PPIL6: variants seen among roughly 807,000 people sequenced by gnomAD.
The protein encoded by PPIL6 is peptidylprolyl isomerase like 6.
Under a neutral mutation model 36.8 loss-of-function variants are expected in PPIL6, and 39 were observed. The observed-to-expected ratio is 1.06, with a 90% confidence interval of 0.82 to 1.38. PPIL6 has a LOEUF of 1.38. PPIL6 is among the 40% of genes most tolerant of loss of function. The pLI, the probability that PPIL6 is intolerant of heterozygous loss-of-function variation, is 0.00. For synonymous variants in PPIL6, 123 were observed against 134.1 expected (o/e 0.92, Z 0.57); for missense variants, 368 against 379.1 (o/e 0.97, Z 0.24).
In PPIL6 at chr6:109,440,574, G is replaced by A. The variant is rs1377522594; in HGVS notation, c.17C>T (p.Pro6Leu). Residue 6 changes from proline to leucine, a missense_variant, in exon 1 of 8, where the codon CCG becomes CTG. Coordinates refer to ENST00000521072, the MANE Select transcript of PPIL6 (RefSeq NM_173672.5). The part of the protein sequence containing the change: MARPQ[P>L]CGPPHARCGS... ...GCACCTAGCGTGCGGGGGCCCGCAC[G>A]GCTGCGGCCTTGCCATGGCCGCGCC... is the stretch of plus-strand genomic sequence containing the variant. 7.1e-6 allele frequency: 10 copies of A among 1,409,790 alleles called. No individual in the cohort carries two copies. In the Admixed American group the frequency reaches 2.8e-4, roughly 39 times the overall value. 87.3% of individuals were successfully genotyped at this position (1,409,790 alleles called of 1,614,324 possible).
intron 2 of PPIL6, among the ~76,000 whole-genome samples, chr6:109,433,822 T>G (rs969968618): frequency 6.6e-6 from 1 of 151,344 alleles, no homozygotes; most frequent in Non-Finnish European, 1.5e-5. Flanking sequence ...GGGAGGGGGA[T>G]GAAAGGAAGG....
chr6:109,440,544 G>T lies in PPIL6; in HGVS notation c.47C>A (p.Ser16Ter). The T allele has an allele frequency of 2.7e-6, 4 of 1,490,112 alleles. No homozygotes were observed. Among genetic ancestry groups the T allele is most frequent in the African/African-American group, 1.5e-5 (1 of 67,780 alleles). 92.3% of individuals were successfully genotyped at this position (1,490,112 alleles called of 1,614,324 possible). The change falls in exon 1 of 8, where the codon TCG (serine) becomes TAG (stop). Residue 16 changes from serine (S) to a stop codon, truncating the protein, a stop_gained. Coordinates refer to ENST00000521072, the MANE Select transcript of PPIL6 (RefSeq NM_173672.5). LOFTEE classifies it high-confidence loss of function. ...PCGPPHARCG[S>*]PSLPERPLQV... is the part of the protein sequence containing the mutation. ...CAGCGGCCGCTCCGGCAGCGACGGC[G>T]AGCCGCACCTAGCGTGCGGGGGCCC...
At chr6:109,402,902 A>G (rs1018399555) in intron 6 of PPIL6, 1 of 609,664 alleles carries the variant, frequency 1.6e-6, no homozygotes. Flanking sequence ...AATGATGTGT[A>G]AGAAAGAACC....
intron 1 of PPIL6, chr6:109,440,192 G>C: frequency 3.6e-6 from 2 of 555,822 alleles, no homozygotes; most frequent in South Asian, 1.5e-5. Flanking sequence ...TTATCTCCCA[G>C]CGCGGTTCTG....
intron 7 of PPIL6, among the ~76,000 whole-genome samples, chr6:109,396,393 G>A (rs1451116701): frequency 6.6e-6 from 1 of 152,114 alleles, no homozygotes; most frequent in Non-Finnish European, 1.5e-5. Flanking sequence ...GCAGTCCATT[G>A]GGAGTTGGAC....
chr6:109,425,856 A>G (rs1773790623), intron 5 of PPIL6, among the ~76,000 whole-genome samples: 1 of 152,196 alleles, frequency 6.6e-6, no homozygotes, highest in Non-Finnish European at 1.5e-5. Flanking sequence ...CCCCTTGAGA[A>G]ATGTTTTATA....
upstream of PPIL6, chr6:109,440,864 C>A: frequency 1.9e-6 from 1 of 531,562 alleles, no homozygotes; most frequent in East Asian, 3.5e-5. Flanking sequence ...GCGGCCCTTA[C>A]CGAGCCTGGG....
At chr6:109,400,992 T>C (rs1163365377) in intron 6 of PPIL6, among the ~76,000 whole-genome samples, 1 of 151,168 alleles carries the variant, frequency 6.6e-6, no homozygotes. Context: ...CCCGAGTAGC[T>C]GGGACTACAG....
Position 109,433,138 on chromosome 6 carries a change from C to T in PPIL6, c.232-1793G>A, listed in dbSNP as rs148683788. ...ATGGTGTGATCTCAGCTCACTGCAA[C>T]TTCTGCCTCCTATGTTCAAGTGATT... On this transcript the variant is annotated intron_variant, in intron 2 of 7. Transcript: ENST00000521072. Among the ~76,000 whole-genome samples, 1,307 of 151,664 alleles carry T rather than the reference C, an allele frequency of 8.6e-3. 23 individuals are homozygous for T. Among genetic ancestry groups the T allele is most frequent in the South Asian group, 0.05 (240 of 4,790 alleles).
In PPIL6 at chr6:109,399,841, A is replaced by G. The variant is rs111365198; in HGVS notation, c.824+194T>C. On this transcript the variant is annotated intron_variant, in intron 7 of 7. Coordinates refer to ENST00000521072, the MANE Select transcript of PPIL6 (RefSeq NM_173672.5). ...TATGCCTGAGCCACTGTGTCTGGCC[A>G]GTTTCTGTGTTTTTATAGATAGCAA... Among the ~76,000 whole-genome samples, 179 of 152,312 alleles carry G rather than the reference A, an allele frequency of 1.2e-3. 2 individuals are homozygous for G. Among genetic ancestry groups the G allele is most frequent in the Middle Eastern group, 3.4e-3 (1 of 294 alleles).
chr6:109,432,921 C>CT (rs1182052016), intron 2 of PPIL6, among the ~76,000 whole-genome samples: 1 of 152,154 alleles, frequency 6.6e-6, no homozygotes, highest in Non-Finnish European at 1.5e-5. Context: ...TTCCTATGCC[C>CT]TTATCAAAAC....
At chr6:109,436,746 A>G (rs1033625009) in intron 1 of PPIL6, among the ~76,000 whole-genome samples, 1 of 152,088 alleles carries the variant, frequency 6.6e-6, no homozygotes, top group Admixed American at 6.5e-5. Flanking sequence ...AAAAAACAAA[A>G]CAAAACAAAA....
In PPIL6 at chr6:109,392,093, A is replaced by G. The variant is rs773611569; in HGVS notation, c.*733T>C. 3.3e-5 allele frequency: 5 copies of G among 152,234 alleles called. No individual in the cohort carries two copies. The highest frequency in any genetic ancestry group is 5.9e-5 in the Non-Finnish European group (4 of 68,050). The allele number at this position is 152,234 out of a possible 1,614,324, so 9.4% of individuals were successfully genotyped here. On this transcript the variant is annotated 3_prime_UTR_variant, in exon 8 of 8. Coordinates refer to ENST00000521072, the MANE Select transcript of PPIL6 (RefSeq NM_173672.5). ...CAACACAGGGCTCTGTTAGTCTCCT[A>G]TAATAAGAAGTCCAGAGTAGGTGGT...
rs962628843 is a variant in PPIL6, at chr6:109,390,428, G to A, written c.*2398C>T. 9 of 152,202 alleles carry A rather than the reference G, an allele frequency of 5.9e-5. No individual in the cohort carries two copies. The highest frequency in any genetic ancestry group is 1.2e-4 in the Non-Finnish European group (8 of 68,042). 9.4% of individuals were successfully genotyped at this position (152,202 alleles called of 1,614,324 possible). A position where few individuals can be genotyped will look rare whatever the true frequency, so the allele number is the denominator to read the frequency against. On this transcript the variant is annotated 3_prime_UTR_variant, in exon 8 of 8. Transcript: ENST00000521072. ...TAGGGAATGGCAGAGCCAGGATTCT[G>A]GCCCTAGAACACACATTCTTAACAC...
At chr6:109,400,847 A>G (rs1772498629) in intron 6 of PPIL6, among the ~76,000 whole-genome samples, 2 of 151,960 alleles carry the variant, frequency 1.3e-5, no homozygotes, top group East Asian at 1.9e-4. Flanking sequence ...ATTTTTAGTG[A>G]TCTTCAAATA....
intron 6 of PPIL6, among the ~76,000 whole-genome samples, chr6:109,406,199 T>A (rs1772792637): frequency 6.6e-6 from 1 of 150,414 alleles, no homozygotes; most frequent in African/African-American, 2.5e-5. Context: ...CACAGGTGCA[T>A]GCCACCACGC....
chr6:109,439,276 G>A (rs1337638832), intron 1 of PPIL6, among the ~76,000 whole-genome samples: 2 of 152,186 alleles, frequency 1.3e-5, no homozygotes, highest in African/African-American at 4.8e-5. Context: ...GATCCCGTCT[G>A]CCCAAGCAAC....
At position 109,391,765 on chromosome 6, in the gene PPIL6, GTT is replaced by G. The variant is rs1688579024; in HGVS notation, c.*1059_*1060del. 1 of 152,114 alleles carries G rather than the reference GTT, an allele frequency of 6.6e-6. No homozygotes were observed. Among genetic ancestry groups the G allele is most frequent in the Non-Finnish European group, 1.5e-5 (1 of 68,030 alleles). 9.4% of individuals were successfully genotyped at this position (152,114 alleles called of 1,614,324 possible). A position where few individuals can be genotyped will look rare whatever the true frequency, so the allele number is the denominator to read the frequency against. ...ACGGACACTGTAAAACAAGCCCTTG[GTT>G]TTCATAGGGTTGGTATGGCTCAGAG... On this transcript the variant is annotated 3_prime_UTR_variant, in exon 8 of 8. Transcript: ENST00000521072.
chr6:109,393,616 A>C (rs988338745), intron 7 of PPIL6, among the ~76,000 whole-genome samples: 6 of 152,100 alleles, frequency 3.9e-5, no homozygotes, highest in Admixed American at 3.3e-4. Context: ...GAAGACTATA[A>C]GTCCCTGCCA....
Sources: allele counts gnomAD v4.1 joint callset (sites outside exome capture counted in the v4.1 genomes callset), GRCh38; gene constraint gnomAD v4.1.1; transcripts MANE v1.5; gene names NCBI Gene and HGNC (gene_info 2026-07-23, HGNC 2026-07-21).